Variants in STK24 observed in about 807,000 individuals in gnomAD.
STK24 encodes the protein serine/threonine-protein kinase 24.
In STK24, 21 loss-of-function variants were observed where a neutral mutation model predicts 55.6. The ratio of observed to expected loss-of-function variants is 0.38; its 90% CI spans 0.27 to 0.54. STK24 has a LOEUF of 0.54. STK24 is among the 20% of genes least tolerant of loss of function. The pLI is 0.79. For synonymous variants in STK24, 200 were observed against 215.2 expected, an observed-to-expected ratio of 0.93 and a Z score of 0.62; for missense variants, 383 against 538.4, an observed-to-expected ratio of 0.71 and a Z score of 2.86.
At chr13:98,557,475 C>G (rs1897311601) in intron 1 of STK24, among the ~76,000 whole-genome samples, 1 of 152,218 alleles carries the variant, frequency 6.6e-6, no homozygotes, top group Non-Finnish European at 1.5e-5. Flanking sequence ...CCCCGCTCAC[C>G]CCCACAGCTC....
intron 10 of STK24, chr13:98,455,330 T>A (rs1429974761): frequency 6.6e-6 from 1 of 152,162 alleles, no homozygotes; most frequent in Non-Finnish European, 1.5e-5. Context: ...AGCCGCGAAC[T>A]CCTCAGCTCG....
intron 1 of STK24, among the ~76,000 whole-genome samples, chr13:98,529,621 A>T (rs1896528477): frequency 6.6e-6 from 1 of 152,074 alleles, no homozygotes; most frequent in Admixed American, 6.5e-5. Context: ...GAAAATTCTC[A>T]AGGTGACAAA....
At chr13:98,496,195 A>G (rs1236855774) in intron 2 of STK24, among the ~76,000 whole-genome samples, 1 of 152,236 alleles carries the variant, frequency 6.6e-6, no homozygotes, top group African/African-American at 2.4e-5. Context: ...GACTGTGTCA[A>G]GAGGTGGCAA....
At chr13:98,483,578 T>C (rs1894688348) in intron 2 of STK24, among the ~76,000 whole-genome samples, 1 of 152,168 alleles carries the variant, frequency 6.6e-6, no homozygotes, top group South Asian at 2.1e-4. Context: ...CTTTTTGCTT[T>C]TGGAGGTTCC....
rs1893116853 is a variant in STK24 at position 98,450,121 on chromosome 13, A to G, written c.*3052T>C. On this transcript the variant is annotated 3_prime_UTR_variant, in exon 11 of 11. Transcript: ENST00000539966. Reference sequence around the variant, plus strand: ...CACCTCTGCTTCCTGTGTGCCCTCAAGAAAATACTAGTGTGGGTAACAGTC... The same window carrying G: ...CACCTCTGCTTCCTGTGTGCCCTCAGGAAAATACTAGTGTGGGTAACAGTC... 2 of 152,248 alleles carry G rather than the reference A, an allele frequency of 1.3e-5. No homozygotes were observed. The highest frequency in any genetic ancestry group is 2.4e-5 in the African/African-American group (1 of 41,454). The allele number at this position is 152,248 out of a possible 1,614,324, so 9.4% of individuals were successfully genotyped here. A position where few individuals can be genotyped will look rare whatever the true frequency, so the allele number is the denominator to read the frequency against.
At chr13:98,489,779 A>G (rs1193069862) in intron 2 of STK24, among the ~76,000 whole-genome samples, 1 of 152,208 alleles carries the variant, frequency 6.6e-6, no homozygotes, top group Non-Finnish European at 1.5e-5. Context: ...AATGAGAGGG[A>G]CACCCTTGAA....
intron 1 of STK24, among the ~76,000 whole-genome samples, chr13:98,554,687 C>T (rs555463378): frequency 1.7e-4 from 26 of 152,278 alleles, no homozygotes; most frequent in Non-Finnish European, 1.6e-4. Context: ...AAAAACCTGG[C>T]ATTTTTAGAA....
chr13:98,504,918 C>T (rs1476660995), intron 2 of STK24: 1 of 152,206 alleles, frequency 6.6e-6, no homozygotes, highest in Non-Finnish European at 1.5e-5. Context: ...AGCTTACCTC[C>T]GTGGGAGTCT....
At chr13:98,574,947 T>C (rs1178477125) in intron 1 of STK24, among the ~76,000 whole-genome samples, 1 of 152,160 alleles carries the variant, frequency 6.6e-6, no homozygotes, top group Non-Finnish European at 1.5e-5. Flanking sequence ...GGGGCTTTAG[T>C]ACCTTTTCAA....
At chr13:98,483,138 G>A (rs1894665042) in intron 2 of STK24, among the ~76,000 whole-genome samples, 1 of 152,256 alleles carries the variant, frequency 6.6e-6, no homozygotes, top group African/African-American at 2.4e-5. Flanking sequence ...GGGGAGCCAG[G>A]CAGTGCAGGG....
Position 98,447,916 on chromosome 13 carries a change from C to A in STK24, c.*5257G>T. 5.2e-6 allele frequency: 2 copies of A among 386,108 alleles called. No homozygotes were observed. Among genetic ancestry groups the A allele is most frequent in the Non-Finnish European group, 9.5e-6 (2 of 211,338 alleles). The allele number at this position is 386,108 out of a possible 1,614,324, so 23.9% of individuals were successfully genotyped here. ...AGGATGGGACACGTCCCGCCATTCT[C>A]TGCCATGTCCATGAAAATAGGAGGT... On this transcript the variant is annotated 3_prime_UTR_variant, in exon 11 of 11. Coordinates refer to ENST00000539966, the MANE Select transcript of STK24 (RefSeq NM_001032296.4).
At chr13:98,567,727 T>C (rs1328078906) in intron 1 of STK24, among the ~76,000 whole-genome samples, 3 of 152,140 alleles carry the variant, frequency 2.0e-5, no homozygotes, top group Non-Finnish European at 4.4e-5. Context: ...CTCTTGGAAT[T>C]TCCTCACCTG....
At chr13:98,507,440 T>A (rs1566375010) in intron 2 of STK24, among the ~76,000 whole-genome samples, 1 of 152,170 alleles carries the variant, frequency 6.6e-6, no homozygotes, top group African/African-American at 2.4e-5. Context: ...TTTGTCCTAG[T>A]GTTGATAGTA....
intron 2 of STK24, among the ~76,000 whole-genome samples, chr13:98,516,995 G>A (rs772366760): frequency 1.6e-4 from 25 of 152,314 alleles, no homozygotes; most frequent in Non-Finnish European, 2.6e-4. Context: ...TACTGTGGCC[G>A]CTATATTTGG....
At chr13:98,486,167 G>GCA (rs1894799157) in intron 2 of STK24, among the ~76,000 whole-genome samples, 1 of 150,896 alleles carries the variant, frequency 6.6e-6, no homozygotes, top group African/African-American at 2.4e-5. Context: ...TAATAAACCT[G>GCA]CACGTTCTGC....
chr13:98,567,216 A>C (rs1308376617), intron 1 of STK24, among the ~76,000 whole-genome samples: 1 of 152,216 alleles, frequency 6.6e-6, no homozygotes, highest in Non-Finnish European at 1.5e-5. Context: ...GCGCGCAGAC[A>C]CCACTGACTC....
chr13:98,541,039 T>A (rs756075512), intron 1 of STK24, among the ~76,000 whole-genome samples: 2 of 152,198 alleles, frequency 1.3e-5, no homozygotes, highest in Non-Finnish European at 2.9e-5. Flanking sequence ...CCCCAGCACC[T>A]GGACGCATTT....
At chr13:98,562,657 T>C (rs1897455094) in intron 1 of STK24, among the ~76,000 whole-genome samples, 1 of 152,208 alleles carries the variant, frequency 6.6e-6, no homozygotes, top group Non-Finnish European at 1.5e-5. Context: ...GGCTCACGCC[T>C]GTAGTCCCAG....
intron 1 of STK24, chr13:98,542,854 G>A (rs538013950): frequency 1.2e-5 from 12 of 979,686 alleles, no homozygotes; most frequent in South Asian, 4.7e-5. Flanking sequence ...CTGTATGTCC[G>A]TAAGAGGTCA....
Sources: allele counts gnomAD v4.1 joint callset (sites outside exome capture counted in the v4.1 genomes callset), GRCh38; gene constraint gnomAD v4.1.1; transcripts MANE v1.5; gene names NCBI Gene and HGNC (gene_info 2026-07-23, HGNC 2026-07-21).